NRIP3: variants seen among roughly 807,000 people sequenced by gnomAD.
NRIP3 encodes the protein nuclear receptor-interacting protein 3.
Under a neutral mutation model 29.0 loss-of-function variants are expected in NRIP3, and 31 were observed. The ratio of observed to expected loss-of-function variants is 1.07; its 90% confidence interval spans 0.80 to 1.44. The LOEUF is 1.44. Among genes scored for constraint, NRIP3 ranks in the 40% most tolerant of loss-of-function variants. The probability of loss-of-function intolerance (pLI) is 0.00; values close to 1 mark genes in which losing one functional copy is unlikely to be tolerated. For missense variants in NRIP3, 314 were observed against 297.9 expected (o/e 1.05, Z -0.40); for synonymous variants, 131 against 118.3 (o/e 1.11, Z -0.70).
intron 1 of NRIP3, among the ~76,000 whole-genome samples, chr11:8,992,692 C>T (rs1247152542): frequency 3.9e-5 from 6 of 152,036 alleles, no homozygotes; most frequent in Admixed American, 6.6e-5. Flanking sequence ...GGGCGGATCA[C>T]GAGATCAGGA....
chr11:9,002,620 G>GAAAAAAAA (rs1555232137), intron 1 of NRIP3, among the ~76,000 whole-genome samples: 2 of 113,126 alleles, frequency 1.8e-5, no homozygotes, highest in Non-Finnish European at 1.9e-5. Flanking sequence ...AAAAAAAAAG[G>GAAAAAAAA]AAATGGATGC....
At chr11:8,983,716 T>A in intron 6 of NRIP3, 156 bp from the exon 7 acceptor site, 1 of 873,630 alleles carries the variant, frequency 1.1e-6, no homozygotes, top group East Asian at 2.5e-5. Context: ...CAGAGTTTTG[T>A]GGGGTGATGA....
intron 4 of NRIP3, 141 bp from the exon 5 acceptor site, chr11:8,984,265 T>A (rs893262885): frequency 1.0e-5 from 6 of 601,926 alleles, no homozygotes; most frequent in East Asian, 2.8e-5. Context: ...TTTTTTTATT[T>A]TTTTTTTATT....
rs532048082 is a variant in NRIP3, at chr11:9,003,972, C to G, written c.-37G>C. ...CGGCGGCCCGGTAGCCCACAGCCCC[C>G]CGGCAGCCTCAGCCTCGAGCTCCTC... On this transcript the variant is annotated 5_prime_UTR_variant, in exon 1 of 7. Transcript: ENST00000309166. The G allele has an allele frequency of 7.5e-6, 11 of 1,459,206 alleles. No homozygotes were observed. The highest frequency in any genetic ancestry group is 6.5e-5 in the South Asian group (5 of 76,378). 90.4% of individuals were successfully genotyped at this position (1,459,206 alleles called of 1,614,324 possible). A position where few individuals can be genotyped will look rare whatever the true frequency, so the allele number is the denominator to read the frequency against.
chr11:9,003,891 G>A lies in NRIP3; in HGVS notation c.45C>T (p.Thr15=), dbSNP rs1456070114. 1.3e-6 allele frequency: 2 copies of A among 1,523,390 alleles called. No homozygotes were observed. The highest frequency in any genetic ancestry group is 1.8e-6 in the Non-Finnish European group (2 of 1,136,892). 94.4% of individuals were successfully genotyped at this position (1,523,390 alleles called of 1,614,324 possible). ...GLLTEGGRKE[T]DMREAASLRQ... Reference sequence around the variant, plus strand: ...GCAGTGACGCCGCCTCCCGCATGTCGGTCTCCTTGCGGCCGCCCTCAGTGA... The same window carrying A: ...GCAGTGACGCCGCCTCCCGCATGTCAGTCTCCTTGCGGCCGCCCTCAGTGA... The change falls in exon 1 of 7, where the codon ACC becomes ACT. Residue 15 remains threonine, a synonymous_variant. Coordinates refer to ENST00000309166, the MANE Select transcript of NRIP3 (RefSeq NM_020645.3).
intron 1 of NRIP3, among the ~76,000 whole-genome samples, chr11:8,995,595 A>G (rs1854687356): frequency 6.6e-6 from 1 of 152,144 alleles, no homozygotes; most frequent in African/African-American, 2.4e-5. Context: ...ATAATTTCTT[A>G]TCTGTACTGT....
intron 1 of NRIP3, among the ~76,000 whole-genome samples, chr11:9,002,883 A>G (rs1363391231): frequency 6.6e-6 from 1 of 152,246 alleles, no homozygotes; most frequent in Non-Finnish European, 1.5e-5. Context: ...AAAGTTAAAC[A>G]TAAACTTGGC....
At chr11:8,995,059 G>A (rs1854677107) in intron 1 of NRIP3, among the ~76,000 whole-genome samples, 2 of 151,702 alleles carry the variant, frequency 1.3e-5, no homozygotes, top group African/African-American at 2.4e-5. Context: ...TCCCTATCTC[G>A]GTGGGTGAAA....
At chr11:8,987,150 A>C (rs1449578504) in intron 3 of NRIP3, among the ~76,000 whole-genome samples, 1 of 152,196 alleles carries the variant, frequency 6.6e-6, no homozygotes, top group Non-Finnish European at 1.5e-5. Flanking sequence ...AAAGACTCTG[A>C]GTAAGCTAAG....
At chr11:8,994,042 T>C (rs1445123677) in intron 1 of NRIP3, among the ~76,000 whole-genome samples, 1 of 152,110 alleles carries the variant, frequency 6.6e-6, no homozygotes, top group Non-Finnish European at 1.5e-5. Context: ...GTAGTTTAAA[T>C]GGAGATTTAT....
At position 8,985,252 on chromosome 11, in the gene NRIP3, C is replaced by A. The variant is rs916672606; in HGVS notation, c.562+459G>T. Among the ~76,000 whole-genome samples, 4 of 148,634 alleles carry A rather than the reference C, an allele frequency of 2.7e-5. No homozygotes were observed. In the Admixed American group the frequency reaches 2.7e-4, roughly 10 times the overall value. On this transcript the variant is annotated intron_variant, in intron 4 of 6. Transcript: ENST00000309166. ...TGGCACGATCTCAGCTCACTGCAAG[C>A]TCCGCCTCCCAGGTTCACGCCATTC...
chr11:8,983,840 G>T, intron 6 of NRIP3, 35 bp downstream of exon 6: 2 of 1,543,054 alleles, frequency 1.3e-6, no homozygotes, highest in South Asian at 2.2e-5. Flanking sequence ...GATGACAAAT[G>T]GATGTGACTT....
chr11:9,003,390 C>T (rs1327316499), intron 1 of NRIP3, among the ~76,000 whole-genome samples: 1 of 152,214 alleles, frequency 6.6e-6, no homozygotes, highest in African/African-American at 2.4e-5. Context: ...TCACCTCTGT[C>T]TGGGTCATAG....
chr11:8,986,059 G>A lies in NRIP3; in HGVS notation c.423-209C>T, dbSNP rs371466755. 3.5e-4 allele frequency among the ~76,000 whole-genome samples: 53 copies of A among 151,826 alleles called. No homozygotes were observed. In the South Asian group the frequency reaches 0.01, roughly 29 times the overall value. On this transcript the variant is annotated intron_variant, in intron 3 of 6. Transcript: ENST00000309166. ...TAAAAACACTAAAGACTCATCTCCC[G>A]TTCTCAAAAACCTTACATCACTTAT...
chr11:8,993,335 T>G (rs1467773343), intron 1 of NRIP3, among the ~76,000 whole-genome samples: 1 of 152,090 alleles, frequency 6.6e-6, no homozygotes, highest in African/African-American at 2.4e-5. Context: ...TTGAGAAAAA[T>G]GTTTTTATGA....
chr11:8,983,075 G>C lies in NRIP3; in HGVS notation c.*470C>G. The C allele has an allele frequency of 2.2e-6, 1 of 444,776 alleles. No individual in the cohort carries two copies. The highest frequency in any genetic ancestry group is 4.5e-6 in the Non-Finnish European group (1 of 223,644). The allele number at this position is 444,776 out of a possible 1,614,324, so 27.6% of individuals were successfully genotyped here. On this transcript the variant is annotated 3_prime_UTR_variant, in exon 7 of 7. Coordinates refer to ENST00000309166, the MANE Select transcript of NRIP3 (RefSeq NM_020645.3). ...CATAATCCATACTTGAGAAATCAAT[G>C]AATCAATTTGAAGAAACTCTAATTC...
At chr11:8,996,275 C>CT (rs386373056) in intron 1 of NRIP3, among the ~76,000 whole-genome samples, 12,811 of 82,892 alleles carry the variant, frequency 0.15, 1,326 homozygotes, top group East Asian at 0.26. Flanking sequence ...CCTTTTTTTC[C>CT]TTTTTTTTTT....
chr11:8,997,796 T>G (rs1233138304), intron 1 of NRIP3, among the ~76,000 whole-genome samples: 1 of 152,204 alleles, frequency 6.6e-6, no homozygotes, highest in African/African-American at 2.4e-5. Flanking sequence ...GAATCATAAT[T>G]TGAGCAAGAA....
At chr11:9,003,377 G>A (rs925520007) in intron 1 of NRIP3, among the ~76,000 whole-genome samples, 1 of 152,168 alleles carries the variant, frequency 6.6e-6, no homozygotes, top group South Asian at 2.1e-4. Context: ...AAGCCATTAG[G>A]AATCACCTCT....
Sources: allele counts gnomAD v4.1 joint callset (sites outside exome capture counted in the v4.1 genomes callset), GRCh38; gene constraint gnomAD v4.1.1; transcripts MANE v1.5; gene names NCBI Gene and HGNC (gene_info 2026-07-23, HGNC 2026-07-21).